PPEF1: variants seen among roughly 807,000 people sequenced by gnomAD.
PPEF1 encodes protein phosphatase with EF-hand domain 1, also known as serine/threonine-protein phosphatase with EF-hands 1.
A neutral mutation model predicts 53.3 loss-of-function variants in PPEF1; 12 were observed. The observed-to-expected ratio is 0.23, with a 90% CI of 0.14 to 0.36. The LOEUF is 0.36. Ranked by LOEUF, PPEF1 falls within the 10% of genes least tolerant of loss-of-function variation. The pLI is 1.00. For synonymous variants in PPEF1, 165 were observed against 176.7 expected, an observed-to-expected ratio of 0.93 and a Z score of 0.52; for missense variants, 334 against 490.4, an observed-to-expected ratio of 0.68 and a Z score of 3.01.
chrX:18,676,462 T>C (rs992794810), intron 1 of PPEF1, among the ~76,000 whole-genome samples: 10 of 109,227 alleles, frequency 9.2e-5, no homozygotes, highest in African/African-American at 3.3e-4. Flanking sequence ...GTCATATTCA[T>C]CATGGGGCCC....
Position 18,827,618 on chromosome X carries a change from G to A in PPEF1, c.*131G>A. ...CAGATCCCAATTCATCCCACAAACA[G>A]ATGCATAGTATGGGTTTTGGAAGTC... On this transcript the variant is annotated 3_prime_UTR_variant, in exon 16 of 16. Coordinates refer to ENST00000470157, the MANE Select transcript of PPEF1 (RefSeq NM_001377996.1). 1.9e-6 allele frequency: 1 copy of A among 522,705 alleles called. No homozygotes were observed. Among genetic ancestry groups the A allele is most frequent in the Non-Finnish European group, 3.2e-6 (1 of 314,963 alleles). The allele number at this position is 522,705 out of a possible 1,213,427, so 43.1% of individuals were successfully genotyped here. A position where few individuals can be genotyped will look rare whatever the true frequency, so the allele number is the denominator to read the frequency against.
intron 1 of PPEF1, among the ~76,000 whole-genome samples, chrX:18,720,956 A>T (rs1317102265): frequency 9.0e-6 from 1 of 111,321 alleles, no homozygotes; most frequent in African/African-American, 3.3e-5. Context: ...CATGATTATC[A>T]TCCTATTCTC....
chrX:18,707,669 T>G lies in PPEF1; in HGVS notation c.-112T>G. On this transcript the variant is annotated 5_prime_UTR_variant, in exon 1 of 16. Coordinates refer to ENST00000470157, the MANE Select transcript of PPEF1 (RefSeq NM_001377996.1). ...TGTATTCCTCATTAGAATCTATGAC[T>G]GAAGAGGATCGGCTAAGAGTGGTTC... The G allele has an allele frequency of 1.5e-6, 1 of 658,020 alleles. No homozygotes were observed. 54.2% of individuals were successfully genotyped at this position (658,020 alleles called of 1,213,427 possible).
In PPEF1 at chrX:18,740,413, CT is replaced by C. The variant is rs763003965; in HGVS notation, c.235+6619del. Among the ~76,000 whole-genome samples, 208 of 98,106 alleles carry C rather than the reference CT, an allele frequency of 2.1e-3. 2 individuals are homozygous for C. The highest frequency in any genetic ancestry group is 5.8e-3 in the African/African-American group (155 of 26,586). The allele number at this position is 98,106 out of a possible 115,157, so 85.2% of individuals were successfully genotyped here. On this transcript the variant is annotated intron_variant, in intron 3 of 15. Coordinates refer to ENST00000470157, the MANE Select transcript of PPEF1 (RefSeq NM_001377996.1). ...TCTGTTTTCTGTCCTCTCTCTCTCT[CT>C]TTTTTTTTTTTTTGAGACAGAGTCT...
At chrX:18,699,862 G>A (rs1288695941) in intron 5 of PPEF1, among the ~76,000 whole-genome samples, 1 of 112,437 alleles carries the variant, frequency 8.9e-6, no homozygotes, top group Non-Finnish European at 1.9e-5. Context: ...TTAATGTAAC[G>A]TTTTCTAAAA....
At chrX:18,728,884 T>C (rs2044770650) in intron 1 of PPEF1, among the ~76,000 whole-genome samples, 1 of 111,940 alleles carries the variant, frequency 8.9e-6, no homozygotes, top group Non-Finnish European at 1.9e-5. Flanking sequence ...ATGCACCAAC[T>C]GGGAAAAACG....
chrX:18,747,276 A>G (rs1220021957), intron 3 of PPEF1, among the ~76,000 whole-genome samples: 1 of 111,115 alleles, frequency 9.0e-6, no homozygotes, highest in African/African-American at 3.3e-5. Flanking sequence ...AGAGAGGATC[A>G]TGCTGGAGAT....
At chrX:18,824,598 T>C (rs2047129629) in intron 14 of PPEF1, among the ~76,000 whole-genome samples, 1 of 111,607 alleles carries the variant, frequency 9.0e-6, no homozygotes, top group Non-Finnish European at 1.9e-5. Flanking sequence ...CACAAGCAAG[T>C]CCACATCAAA....
chrX:18,737,105 G>A lies in PPEF1; in HGVS notation c.235+3297G>A, dbSNP rs542544698. ...TCTGGATTCATTGATTTTTTGAAGG[G>A]TTTTTTGTGTCTCTATTTCCTTCAG... On this transcript the variant is annotated intron_variant, in intron 3 of 15. Transcript: ENST00000470157. Among the ~76,000 whole-genome samples the A allele has an allele frequency of 4.5e-5, 5 of 111,624 alleles. No individual in the cohort carries two copies. In the South Asian group the frequency reaches 1.9e-3, roughly 42 times the overall value.
At chrX:18,743,649 A>C (rs1253609417) in intron 3 of PPEF1, among the ~76,000 whole-genome samples, 1 of 108,140 alleles carries the variant, frequency 9.2e-6, no homozygotes, top group Non-Finnish European at 1.9e-5. Context: ...GGGTTTCGCC[A>C]CATTGGCCAG....
At chrX:18,733,980 T>A (rs763021997) in intron 3 of PPEF1, among the ~76,000 whole-genome samples, 172 bp downstream of exon 3, 1 of 111,356 alleles carries the variant, frequency 9.0e-6, no homozygotes, top group East Asian at 2.8e-4. Context: ...CCTTTTTCCC[T>A]CTCTGGATGG....
At chrX:18,772,970 A>G (rs1434085045) in intron 6 of PPEF1, among the ~76,000 whole-genome samples, 1 of 113,058 alleles carries the variant, frequency 8.8e-6, no homozygotes, top group African/African-American at 3.2e-5. Flanking sequence ...GATCCAAGAA[A>G]GAAAGCATGC....
At chrX:18,738,493 C>T (rs1346580480) in intron 3 of PPEF1, among the ~76,000 whole-genome samples, 10 of 110,969 alleles carry the variant, frequency 9.0e-5, no homozygotes, top group African/African-American at 1.6e-4. Flanking sequence ...CCGAGAGATC[C>T]GCTGTTAGTC....
At chrX:18,681,621 T>C (rs755272985), upstream of PPEF1, among the ~76,000 whole-genome samples, 2 of 111,905 alleles carry the variant, frequency 1.8e-5, no homozygotes, top group South Asian at 7.5e-4. Context: ...TATTGCGTTA[T>C]ATTAGGGCTC....
chrX:18,766,624 G>A (rs2045779509), intron 6 of PPEF1, among the ~76,000 whole-genome samples: 1 of 112,263 alleles, frequency 8.9e-6, no homozygotes, highest in Non-Finnish European at 1.9e-5. Context: ...AAAGACCCAT[G>A]AACCAGTATC....
rs746925908 is a variant in PPEF1, at chrX:18,761,588, TTTTGC to T, written c.558+14_558+18del. On this transcript the variant is annotated intron_variant, in intron 6 of 15. Transcript: ENST00000470157. ...TGATCTTCTACAAGGTAAATGATGA[TTTTGC>T]TAAATATTAACATTTTTCTTGGGGG... 7 of 1,189,656 alleles carry T rather than the reference TTTTGC, an allele frequency of 5.9e-6. No homozygotes were observed. The South Asian group carries it at 1.2e-4, about 21-fold the overall frequency.
upstream of PPEF1, among the ~76,000 whole-genome samples, chrX:18,678,436 C>G (rs1928759672): frequency 9.0e-6 from 1 of 111,217 alleles, no homozygotes; most frequent in African/African-American, 3.3e-5. Context: ...GACCCCGTCT[C>G]AAAAACGAAA....
intron 3 of PPEF1, among the ~76,000 whole-genome samples, chrX:18,748,804 G>C (rs762176460): frequency 9.0e-6 from 1 of 111,728 alleles, no homozygotes; most frequent in Non-Finnish European, 1.9e-5. Context: ...TGTTCCTAAA[G>C]AGTGCATGAA....
At chrX:18,800,674 C>G (rs187193444) in intron 10 of PPEF1, among the ~76,000 whole-genome samples, 15 of 111,383 alleles carry the variant, frequency 1.3e-4, no homozygotes, top group African/African-American at 4.6e-4. Flanking sequence ...GTTGCTTTTG[C>G]ACCATTGTGA....
Sources: gnomAD v4.1 joint callset for allele counts (sites outside exome capture counted in the v4.1 genomes callset) on GRCh38, gnomAD v4.1.1 for gene constraint, MANE v1.5 for transcripts, NCBI Gene and HGNC (gene_info 2026-07-23, HGNC 2026-07-21) for gene names.